The following DLGAP2 variants were observed in gnomAD, a reference collection of about 807,000 sequenced individuals.
The protein encoded by DLGAP2 is DLG associated protein 2, also known as disks large-associated protein 2.
DLGAP2 carries 26 observed loss-of-function variants against 100.3 expected under a neutral mutation model. That is an observed-to-expected ratio of 0.26 (90% confidence interval 0.19 to 0.36). The LOEUF (loss-of-function observed/expected upper bound fraction) is 0.36. Ranked by LOEUF, DLGAP2 falls within the 10% of genes least tolerant of loss-of-function variation. The pLI is 1.00. For missense variants in DLGAP2, 1,858 were observed against 1,453.2 expected, an observed-to-expected ratio of 1.28 and a Z score of -4.53; for synonymous variants, 886 against 630.1, an observed-to-expected ratio of 1.41 and a Z score of -6.08.
chr8:840,729 C>T (rs28417810), intron 1 of DLGAP2, among the ~76,000 whole-genome samples: 16,349 of 109,024 alleles, frequency 0.15, 2,908 homozygotes, highest in Non-Finnish European at 0.2. Context: ...TGCATTTACA[C>T]GGTGCACGCC....
intron 3 of DLGAP2, among the ~76,000 whole-genome samples, chr8:1,365,307 C>T (rs80334088): frequency 0.013 from 1,980 of 152,200 alleles, 37 homozygotes; most frequent in African/African-American, 0.046. Context: ...CTGGGATCTC[C>T]GCACCGAGGC....
At chr8:1,603,222 G>C (rs1796685067) in intron 6 of DLGAP2, among the ~76,000 whole-genome samples, 1 of 151,182 alleles carries the variant, frequency 6.6e-6, no homozygotes, top group South Asian at 2.1e-4. Context: ...GGTTAGAGTG[G>C]AGGCTGGGTC....
chr8:1,515,455 T>A (rs1194658878), intron 4 of DLGAP2, among the ~76,000 whole-genome samples: 1 of 151,578 alleles, frequency 6.6e-6, no homozygotes, highest in East Asian at 1.9e-4. Context: ...CGTGCAGACA[T>A]GAAAACAATT....
intron 2 of DLGAP2, among the ~76,000 whole-genome samples, chr8:1,124,850 C>T (rs757347797): frequency 2.6e-5 from 4 of 152,088 alleles, no homozygotes; most frequent in East Asian, 3.9e-4. Context: ...GAGTGGGGCC[C>T]GGAACCCCAG....
rs80214019 is a variant in DLGAP2, at chr8:1,409,807, A to C, written c.107-91559A>C. 3.5e-3 allele frequency among the ~76,000 whole-genome samples: 530 copies of C among 152,182 alleles called. 9 individuals carry two copies. In the East Asian group the frequency reaches 0.047, roughly 14 times the overall value. On this transcript the variant is annotated intron_variant, in intron 3 of 14. Coordinates refer to ENST00000637795, the MANE Select transcript of DLGAP2 (RefSeq NM_001346810.2). Reference sequence around the variant, plus strand: ...GGACCTTCATCTTCTCCTGCCCTCCACCAGAGCCCCAGGGCCTTCAGGCTC... The same window carrying C: ...GGACCTTCATCTTCTCCTGCCCTCCCCCAGAGCCCCAGGGCCTTCAGGCTC...
At chr8:1,333,644 G>C (rs1002385794) in intron 3 of DLGAP2, among the ~76,000 whole-genome samples, 1 of 152,216 alleles carries the variant, frequency 6.6e-6, no homozygotes, top group East Asian at 1.9e-4. Context: ...AAGGCACTCG[G>C]AGGTAATTTG....
At chr8:1,258,778 T>C in intron 2 of DLGAP2, 73 bp from the exon 3 acceptor site, 2 of 1,187,560 alleles carry the variant, frequency 1.7e-6, no homozygotes, top group Non-Finnish European at 2.1e-6. Context: ...TTGTTGTTGC[T>C]GATGTTGAAT....
At chr8:1,061,684 G>T (rs748504118) in intron 2 of DLGAP2, among the ~76,000 whole-genome samples, 3 of 151,962 alleles carry the variant, frequency 2.0e-5, no homozygotes, top group Non-Finnish European at 4.4e-5. Flanking sequence ...CGGGGCCCAG[G>T]TGAGTGGCAC....
In DLGAP2 at chr8:1,021,840, G is replaced by A. The variant is rs765862483; in HGVS notation, c.73+113874G>A. Among the ~76,000 whole-genome samples, 24 of 152,078 alleles carry A rather than the reference G, an allele frequency of 1.6e-4. 1 individual carries two copies. The highest frequency in any genetic ancestry group is 1.3e-4 in the Non-Finnish European group (9 of 68,018). ...GTGGTGGGAGGAGGCAGGCACCGTC[G>A]GGTTCTGCCTGTGACGTGTTCCTCT... On this transcript the variant is annotated intron_variant, in intron 2 of 14. Transcript: ENST00000637795.
At chr8:1,169,574 G>A (rs1797086604) in intron 2 of DLGAP2, among the ~76,000 whole-genome samples, 1 of 152,106 alleles carries the variant, frequency 6.6e-6, no homozygotes, top group African/African-American at 2.4e-5. Flanking sequence ...GTGGTTTTTA[G>A]TTGTCCTTGA....
intron 6 of DLGAP2, among the ~76,000 whole-genome samples, chr8:1,594,979 C>T (rs1007032603): frequency 4.6e-5 from 7 of 152,064 alleles, no homozygotes; most frequent in Non-Finnish European, 8.8e-5. Context: ...ACTGGCCTCC[C>T]GCTTCCCATC....
chr8:749,216 C>A (rs967113481), intron 1 of DLGAP2, among the ~76,000 whole-genome samples: 3 of 152,204 alleles, frequency 2.0e-5, no homozygotes, highest in African/African-American at 7.2e-5. Context: ...GTCTCAAACT[C>A]TTGGGTTCAA....
rs372966960 is a variant in DLGAP2, at chr8:1,593,327, C to A, written c.1442+27433C>A. 1.8e-4 allele frequency among the ~76,000 whole-genome samples: 27 copies of A among 151,934 alleles called. 1 individual carries two copies. In the East Asian group the frequency reaches 4.7e-3, roughly 26 times the overall value. On this transcript the variant is annotated intron_variant, in intron 6 of 14. Coordinates refer to ENST00000637795, the MANE Select transcript of DLGAP2 (RefSeq NM_001346810.2). Reference sequence around the variant, plus strand: ...ACAATTAGCTGGGCGTGGTGGCGGGCGCCTGTAGTCCCAGCTACTCAGGAG... The same window carrying A: ...ACAATTAGCTGGGCGTGGTGGCGGGAGCCTGTAGTCCCAGCTACTCAGGAG...
At chr8:1,029,172 A>G (rs1163105598) in intron 2 of DLGAP2, among the ~76,000 whole-genome samples, 1 of 152,158 alleles carries the variant, frequency 6.6e-6, no homozygotes, top group Non-Finnish European at 1.5e-5. Flanking sequence ...TGAGTCTAGC[A>G]GGCAGCGGGA....
intron 2 of DLGAP2, among the ~76,000 whole-genome samples, chr8:1,227,606 G>T (rs1029752024): frequency 6.6e-6 from 1 of 151,900 alleles, no homozygotes; most frequent in Non-Finnish European, 1.5e-5. Context: ...CAATTCTCAA[G>T]CATTGCCATC....
At chr8:1,157,974 C>T (rs928676291) in intron 2 of DLGAP2, among the ~76,000 whole-genome samples, 3 of 152,218 alleles carry the variant, frequency 2.0e-5, no homozygotes, top group Non-Finnish European at 4.4e-5. Context: ...AGGAGTTATA[C>T]AAGAGACAGA....
At chr8:1,366,893 C>G (rs1802121003) in intron 3 of DLGAP2, among the ~76,000 whole-genome samples, 2 of 152,282 alleles carry the variant, frequency 1.3e-5, no homozygotes, top group Middle Eastern at 6.8e-3. Context: ...GGCAACCCCT[C>G]CAACACACAT....
intron 1 of DLGAP2, among the ~76,000 whole-genome samples, chr8:817,500 G>C (rs961587548): frequency 3.9e-5 from 6 of 152,144 alleles, no homozygotes; most frequent in African/African-American, 1.2e-4. Flanking sequence ...ATCCATTGCT[G>C]GTGAGGTAAT....
intron 1 of DLGAP2, among the ~76,000 whole-genome samples, chr8:862,636 A>G (rs76612965): frequency 0.11 from 17,329 of 152,208 alleles, 1,407 homozygotes; most frequent in Admixed American, 0.26. Flanking sequence ...GATCCTGGGA[A>G]AACCTCTTGA....
Sources: gnomAD v4.1 joint callset for allele counts (sites outside exome capture counted in the v4.1 genomes callset) on GRCh38, gnomAD v4.1.1 for gene constraint, MANE v1.5 for transcripts, NCBI Gene and HGNC (gene_info 2026-07-23, HGNC 2026-07-21) for gene names.